POLR3B: variants seen among roughly 807,000 people sequenced by gnomAD.
POLR3B encodes the protein RNA polymerase III subunit B, also known as DNA-directed RNA polymerase III subunit RPC2.
A neutral mutation model predicts 147.4 loss-of-function variants in POLR3B; 96 were observed. The ratio of observed to expected loss-of-function variants is 0.65; its 90% CI spans 0.55 to 0.77. The LOEUF is 0.77. Ranked by LOEUF, POLR3B falls within the 30% of genes least tolerant of loss-of-function variation. The probability of loss-of-function intolerance (pLI) is 0.00; values close to 1 mark genes in which losing one functional copy is unlikely to be tolerated. For synonymous variants in POLR3B, 461 were observed against 485.9 expected, an observed-to-expected ratio of 0.95 and a Z score of 0.67; for missense variants, 1,036 against 1,413.5, an observed-to-expected ratio of 0.73 and a Z score of 4.28.
chr12:106,505,488 A>G lies in POLR3B; in HGVS notation c.3272+1234A>G, dbSNP rs527904192. ...TGTTTTGTAGAGACAGGGTTTCACCATATTGCCCAGGCTTGTCTCAAACTC... is the reference window on the plus strand; with the variant it reads ...TGTTTTGTAGAGACAGGGTTTCACCGTATTGCCCAGGCTTGTCTCAAACTC... On this transcript the variant is annotated intron_variant, in intron 27 of 27. Transcript: ENST00000228347. Among the ~76,000 whole-genome samples the G allele has an allele frequency of 2.6e-5, 4 of 152,202 alleles. No homozygotes were observed. The East Asian group carries it at 5.8e-4, about 22-fold the overall frequency.
intron 1 of POLR3B, among the ~76,000 whole-genome samples, chr12:106,362,296 G>A (rs1003700629): frequency 1.1e-4 from 16 of 152,146 alleles, no homozygotes; most frequent in African/African-American, 2.4e-4. Flanking sequence ...GGGAGGAAAC[G>A]AGTATAAGAA....
At chr12:106,443,772 C>T (rs1310638423) in intron 18 of POLR3B, among the ~76,000 whole-genome samples, 5 of 152,124 alleles carry the variant, frequency 3.3e-5, no homozygotes, top group South Asian at 2.1e-4. Context: ...CCACCTGCCT[C>T]GGCCTCCCAA....
At position 106,357,915 on chromosome 12, in the gene POLR3B, T is replaced by G. The variant is rs754030235; in HGVS notation, c.36T>G (p.Thr12=). The G allele has an allele frequency of 1.2e-6, 2 of 1,613,548 alleles. No individual in the cohort carries two copies. Among genetic ancestry groups the G allele is most frequent in the South Asian group, 1.1e-5 (1 of 91,026 alleles). Residue 12 remains threonine, a synonymous_variant, in exon 1 of 28, where the codon ACT becomes ACG. Coordinates refer to ENST00000228347, the MANE Select transcript of POLR3B (RefSeq NM_018082.6). ...DVLAEEFGNL[T]PEQLAAPIPT... The stretch of plus-strand genomic sequence containing the variant: ...TAGCGGAGGAGTTTGGGAACCTGAC[T>G]CCGGAGCAGCTGGCGGCGCCGATCC...
chr12:106,377,839 A>G (rs2036701523), intron 7 of POLR3B, among the ~76,000 whole-genome samples: 1 of 152,202 alleles, frequency 6.6e-6, no homozygotes, highest in Non-Finnish European at 1.5e-5. Flanking sequence ...TCTTGCCTGT[A>G]ATCCCAGTGC....
intron 23 of POLR3B, among the ~76,000 whole-genome samples, chr12:106,472,317 A>C (rs1482801875): frequency 2.6e-5 from 4 of 151,966 alleles, no homozygotes; most frequent in Admixed American, 6.6e-5. Context: ...GTGCCACAAT[A>C]AACATACGTG....
rs187212897 is a variant in POLR3B at position 106,466,744 on chromosome 12, C to T, written c.2713+3124C>T. On this transcript the variant is annotated intron_variant, in intron 23 of 27. Coordinates refer to ENST00000228347, the MANE Select transcript of POLR3B (RefSeq NM_018082.6). ...CATTGCTTGTGTGTGTCAGGTTTAT[C>T]AAAGATCAGATGGTGGTAGATGTGT... Among the ~76,000 whole-genome samples the T allele has an allele frequency of 3.9e-4, 60 of 152,276 alleles. No individual in the cohort carries two copies. In the East Asian group the frequency reaches 7.5e-3, roughly 19 times the overall value.
intron 23 of POLR3B, among the ~76,000 whole-genome samples, chr12:106,474,944 T>G (rs1165921902): frequency 1.0e-4 from 14 of 138,182 alleles, no homozygotes; most frequent in African/African-American, 3.3e-4. Context: ...TCTAGTTCTT[T>G]TAATTGTGAT....
At chr12:106,507,256 G>A (rs1285748368) in intron 27 of POLR3B, among the ~76,000 whole-genome samples, 2 of 152,074 alleles carry the variant, frequency 1.3e-5, no homozygotes, top group East Asian at 3.9e-4. Context: ...TGTTGTTCAC[G>A]TCAAGTTTCT....
intron 2 of POLR3B, among the ~76,000 whole-genome samples, chr12:106,364,858 G>A (rs796581937): frequency 1.1e-4 from 16 of 152,314 alleles, no homozygotes; most frequent in African/African-American, 1.7e-4. Flanking sequence ...AAATGAGGCC[G>A]GGCGCGGTGG....
In POLR3B at chr12:106,427,328, C is replaced by A; in HGVS notation, c.1233C>A (p.Ile411=). 1 of 1,613,760 alleles carries A rather than the reference C, an allele frequency of 6.2e-7. No homozygotes were observed. Among genetic ancestry groups the A allele is most frequent in the Non-Finnish European group, 8.5e-7 (1 of 1,179,782 alleles). ...DVVKHMRQDQ[I]TNGMVNAIST... ...TCAAACACATGCGCCAAGACCAGAT[C>A]ACCAATGGCATGGTGAATGCTATTT... The change falls in exon 13 of 28, where the codon ATC becomes ATA. Residue 411 remains isoleucine, a synonymous_variant. Transcript: ENST00000228347.
intron 10 of POLR3B, among the ~76,000 whole-genome samples, chr12:106,398,483 T>C (rs1321773175): frequency 6.6e-6 from 1 of 151,928 alleles, no homozygotes; most frequent in African/African-American, 2.4e-5. Context: ...TTGAAGAGAG[T>C]AGTGGTTCTC....
intron 27 of POLR3B, among the ~76,000 whole-genome samples, chr12:106,505,086 G>T (rs1300081120): frequency 2.6e-5 from 4 of 152,162 alleles, no homozygotes; most frequent in Non-Finnish European, 5.9e-5. Context: ...TATAATTTCT[G>T]TGTAGCATTT....
intron 11 of POLR3B, among the ~76,000 whole-genome samples, chr12:106,409,732 AAG>A (rs1275933412): frequency 3.9e-5 from 6 of 151,972 alleles, no homozygotes; most frequent in Non-Finnish European, 8.8e-5. Context: ...AATTTTATAA[AAG>A]AGATTTCATT....
In POLR3B at chr12:106,452,664, G is replaced by A. The variant is rs538096576; in HGVS notation, c.2084-1838G>A. On this transcript the variant is annotated intron_variant, in intron 19 of 27. Transcript: ENST00000228347. Reference sequence around the variant, plus strand: ...GTCAGTGAACTTTACCATAATCCCAGCAGTAGTAATCTTATTTCTAAAACA... The same window carrying A: ...GTCAGTGAACTTTACCATAATCCCAACAGTAGTAATCTTATTTCTAAAACA... 5.9e-5 allele frequency among the ~76,000 whole-genome samples: 9 copies of A among 152,214 alleles called. No homozygotes were observed. The South Asian group carries it at 1.5e-3, about 25-fold the overall frequency.
At chr12:106,369,831 C>T in intron 6 of POLR3B, 148 bp downstream of exon 6, 2 of 685,664 alleles carry the variant, frequency 2.9e-6, no homozygotes, top group South Asian at 3.0e-5. Context: ...GAATAATGTC[C>T]AGCACATAGT....
At chr12:106,435,457 T>G (rs900176006) in intron 16 of POLR3B, among the ~76,000 whole-genome samples, 1 of 152,196 alleles carries the variant, frequency 6.6e-6, no homozygotes, top group Non-Finnish European at 1.5e-5. Context: ...TGTAAATTCT[T>G]AATGCTTCCA....
chr12:106,507,835 A>T (rs1192676635), intron 27 of POLR3B: 1 of 455,648 alleles, frequency 2.2e-6, no homozygotes, highest in South Asian at 1.6e-5. Flanking sequence ...GCTTTATTTT[A>T]CTGATTGCAA....
intron 20 of POLR3B, 84 bp from the exon 21 acceptor site, chr12:106,457,054 T>G (rs545657140): frequency 8.6e-7 from 1 of 1,162,528 alleles, no homozygotes; most frequent in African/African-American, 1.5e-5. Flanking sequence ...TGAGGTGGAG[T>G]GGATTGTTGA....
intron 6 of POLR3B, among the ~76,000 whole-genome samples, chr12:106,370,576 A>C (rs2036590613): frequency 6.6e-6 from 1 of 151,894 alleles, no homozygotes; most frequent in South Asian, 2.1e-4. Context: ...TAAGATATTA[A>C]AATGTTCATC....
Sources: allele counts gnomAD v4.1 joint callset (sites outside exome capture counted in the v4.1 genomes callset), GRCh38; gene constraint gnomAD v4.1.1; transcripts MANE v1.5; gene names NCBI Gene and HGNC (gene_info 2026-07-23, HGNC 2026-07-21).